Variants in FLII observed in about 807,000 individuals in gnomAD.
The protein encoded by FLII is protein flightless-1 homolog.
In FLII, 101 loss-of-function variants were observed where a neutral mutation model predicts 156.2. The ratio of observed to expected loss-of-function variants is 0.65; its 90% CI spans 0.55 to 0.76. FLII has a LOEUF of 0.76. FLII is among the 30% of genes least tolerant of loss of function. The pLI is 0.00. For missense variants in FLII, 1,675 were observed against 1,682.8 expected (o/e 1.00, Z 0.08); for synonymous variants, 767 against 685.8 (o/e 1.12, Z -1.85).
In FLII at chr17:18,258,695, C is replaced by G; in HGVS notation, c.-5G>C. ...CAGCACCCCGGTGGCCTCCATGGCG[C>G]CGCTCTCGCTGCCGGGCCGCGCCGG... is the stretch of plus-strand genomic sequence containing the variant. On this transcript the variant is annotated 5_prime_UTR_variant, in exon 1 of 30. Coordinates refer to ENST00000327031, the MANE Select transcript of FLII (RefSeq NM_002018.4). This position sits in a 1 kb window ranked among gnomAD's most constrained non-coding sequence, Gnocchi z 4.2. The G allele has an allele frequency of 6.7e-7, 1 of 1,486,196 alleles. No individual in the cohort carries two copies. Among genetic ancestry groups the G allele is most frequent in the Non-Finnish European group, 8.9e-7 (1 of 1,125,142 alleles). 92.1% of individuals were successfully genotyped at this position (1,486,196 alleles called of 1,614,324 possible). A position where few individuals can be genotyped will look rare whatever the true frequency, so the allele number is the denominator to read the frequency against.
In FLII at chr17:18,245,212, G is replaced by C; in HGVS notation, c.3736C>G (p.Arg1246Gly). The C allele has an allele frequency of 6.2e-7, 1 of 1,613,950 alleles. No homozygotes were observed. The highest frequency in any genetic ancestry group is 2.2e-5 in the East Asian group (1 of 44,878). ...AAGGCGTGCTGCTCATTGCCCTTGCGGACCAGGCGCAGCCGGCGCGGCCGC... is the reference window on the plus strand; with the variant it reads ...AAGGCGTGCTGCTCATTGCCCTTGCCGACCAGGCGCAGCCGGCGCGGCCGC... The part of the protein sequence containing the change: ...HERPRRLRLV[R>G]KGNEQHAFTR... Residue 1246 changes from arginine to glycine, a missense_variant, in exon 30 of 30, where the codon CGC (arginine) becomes GGC (glycine). Coordinates refer to ENST00000327031, the MANE Select transcript of FLII (RefSeq NM_002018.4).
chr17:18,247,502 G>T, intron 20 of FLII, 145 bp from the exon 21 acceptor site: 3 of 1,034,092 alleles, frequency 2.9e-6, no homozygotes, highest in Admixed American at 2.7e-5. Flanking sequence ...AGGAATAGGA[G>T]GGGCAGCTTG....
In FLII at chr17:18,245,581, T is replaced by C. The variant is rs745906925; in HGVS notation, c.3583A>G (p.Ile1195Val). The change falls in exon 28 of 30, where the codon ATC becomes GTC. Residue 1195 changes from isoleucine to valine, a missense_variant. Coordinates refer to ENST00000327031, the MANE Select transcript of FLII (RefSeq NM_002018.4). ...FCQDDLADDD[I>V]MLLDNGQEVY... is the part of the protein sequence containing the mutation. ...TCTTGGCCATTGTCTAGCAACATGA[T>C]GTCATCATCTGCCAGGTCATCTTGG... 1.5e-5 allele frequency: 25 copies of C among 1,613,818 alleles called. No individual in the cohort carries two copies. Among genetic ancestry groups the C allele is most frequent in the Non-Finnish European group, 1.6e-5 (19 of 1,180,016 alleles).
chr17:18,247,473 G>C (rs2048116210), intron 20 of FLII, 116 bp from the exon 21 acceptor site: 2 of 1,158,490 alleles, frequency 1.7e-6, no homozygotes, highest in Admixed American at 2.4e-5. Flanking sequence ...TTGGGAGGCG[G>C]GGCCTCGGAC....
Position 18,244,945 on chromosome 17 carries a change from G to T in FLII, c.*193C>A. ...TTCACACGTGCACTCACACTGTGGA[G>T]AGAGTTGGATTTCCCAGACCCCTGA... On this transcript the variant is annotated 3_prime_UTR_variant, in exon 30 of 30. Coordinates refer to ENST00000327031, the MANE Select transcript of FLII (RefSeq NM_002018.4). The T allele has an allele frequency of 1.5e-6, 1 of 646,820 alleles. No homozygotes were observed. The highest frequency in any genetic ancestry group is 2.7e-6 in the Non-Finnish European group (1 of 368,372). 40.1% of individuals were successfully genotyped at this position (646,820 alleles called of 1,614,324 possible).
At position 18,247,288 on chromosome 17, in the gene FLII, C is replaced by A; in HGVS notation, c.2557G>T (p.Val853Leu). The A allele has an allele frequency of 6.2e-7, 1 of 1,612,638 alleles. No individual in the cohort carries two copies. Among genetic ancestry groups the A allele is most frequent in the Non-Finnish European group, 8.5e-7 (1 of 1,179,654 alleles). The stretch of plus-strand genomic sequence containing the variant: ...CCGGAGAGACCCGGGCTCTGCAGCA[C>A]GGCCTCCGCATTGCGTGTGTAGTCC... ...TVDYTRNAEAVLQSPGLSGKV... is the reference protein window; with the variant it reads ...TVDYTRNAEALLQSPGLSGKV... Residue 853 changes from valine (V) to leucine (L), a missense_variant, in exon 21 of 30, where the codon GTG becomes TTG. Val to Leu is a conservative substitution (Grantham distance 32, BLOSUM62 1). Around this residue, in one of 2 missense-constraint regions of FLII, gnomAD observed 1,332 missense variants for 1,269.3 expected, o/e 1.05. Transcript: ENST00000327031.
rs2048102161 is a variant in FLII at position 18,247,188 on chromosome 17, G to A, written c.2657C>T (p.Pro886Leu). The change falls in exon 21 of 30, where the codon CCG becomes CTG. Residue 886 changes from proline (P) to leucine (L), a missense_variant. Pro to Leu is a moderately conservative substitution (Grantham distance 98). Around this residue, in one of 2 missense-constraint regions of FLII, gnomAD observed 1,332 missense variants for 1,269.3 expected, o/e 1.05. Transcript: ENST00000327031. ...DLTALFLPRQPPMSLAEAEQL... is the reference protein window; with the variant it reads ...DLTALFLPRQLPMSLAEAEQL... ...CCCCACCTCGGCCAGCGACATGGGC[G>A]GCTGCCGCGGCAGGAAAAGCGCAGT... 6.4e-7 allele frequency: 1 copy of A among 1,571,594 alleles called. No homozygotes were observed. The highest frequency in any genetic ancestry group is 8.6e-7 in the Non-Finnish European group (1 of 1,169,226).
At position 18,246,478 on chromosome 17, in the gene FLII, T is replaced by C. The variant is rs750478444; in HGVS notation, c.3052-16A>G. ...TGCGTACCACCTGGGGATGTGGAAG[T>C]GTTAGGGGCAGCTCCCTGGACCCCC... is the stretch of plus-strand genomic sequence containing the variant. On this transcript the variant is annotated splice_polypyrimidine_tract_variant and intron_variant, in intron 23 of 29. Coordinates refer to ENST00000327031, the MANE Select transcript of FLII (RefSeq NM_002018.4). 2 of 1,613,560 alleles carry C rather than the reference T, an allele frequency of 1.2e-6. No homozygotes were observed. The highest frequency in any genetic ancestry group is 2.2e-5 in the South Asian group (2 of 91,078).
chr17:18,246,124 T>C (rs530570572), intron 25 of FLII, 38 bp downstream of exon 25: 429 of 1,614,074 alleles, frequency 2.7e-4, no homozygotes, highest in Non-Finnish European at 2.8e-4. Context: ...ACCCCACCCC[T>C]TGGTCCACGG....
intron 14 of FLII, among the ~76,000 whole-genome samples, chr17:18,250,079 C>T (rs1291934731): frequency 1.3e-5 from 2 of 152,184 alleles, no homozygotes; most frequent in Non-Finnish European, 2.9e-5. Flanking sequence ...CAAGATTGTG[C>T]CACTGCACTC....
intron 20 of FLII, 139 bp from the exon 21 acceptor site, chr17:18,247,496 A>C: frequency 9.5e-7 from 1 of 1,052,966 alleles, no homozygotes; most frequent in Non-Finnish European, 1.4e-6. Flanking sequence ...GGAGGTAGGA[A>C]TAGGAGGGGC....
intron 2 of FLII, 54 bp from the exon 3 acceptor site, chr17:18,256,651 C>T (rs2048427499): frequency 1.4e-6 from 2 of 1,457,454 alleles, no homozygotes; most frequent in African/African-American, 1.4e-5. Context: ...TGTCCAGAGT[C>T]CCTGCCTGCC....
rs141481849 is a variant in FLII, at chr17:18,247,652, C to T, written c.2487+5G>A. ...GGGGAGGGGCCTCCGAAGCTGCAAG[C>T]GCACCTGCGCCTCGGTGCCCTCGAG... On this transcript the variant is annotated splice_donor_5th_base_variant and intron_variant, in intron 20 of 29. Transcript: ENST00000327031. The T allele has an allele frequency of 1.8e-5, 28 of 1,575,946 alleles. No homozygotes were observed. The Admixed American group carries it at 2.1e-4, about 12-fold the overall frequency.
rs368003319 is a variant in FLII, at chr17:18,245,919, C to A, written c.3396+15G>T. The A allele has an allele frequency of 8.1e-6, 13 of 1,613,710 alleles. No homozygotes were observed. In the African/African-American group the frequency reaches 1.6e-4, roughly 20 times the overall value. ...GCTCCTCTGTGTGTGCCCGCCTGCC[C>A]GCCCGCCTCCTGACCTGCTTGCTGT... is the stretch of plus-strand genomic sequence containing the variant. On this transcript the variant is annotated intron_variant, in intron 26 of 29. Transcript: ENST00000327031.
At position 18,248,695 on chromosome 17, in the gene FLII, T is replaced by G. The variant is rs1234529959; in HGVS notation, c.2045A>C (p.Asn682Thr). The G allele has an allele frequency of 1.2e-6, 2 of 1,613,630 alleles. No individual in the cohort carries two copies. The highest frequency in any genetic ancestry group is 2.7e-5 in the African/African-American group (2 of 74,916). Residue 682 changes from asparagine to threonine, a missense_variant, in exon 18 of 30, where the codon AAT becomes ACT. Asn to Thr is a moderately conservative substitution (Grantham distance 65, BLOSUM62 0). This residue lies in a region of FLII where 1,332 missense variants were observed against 1,269.3 expected (regional missense o/e 1.05). Transcript: ENST00000327031. ...GATCTCAGCCTTCCCTTTCCGCTCA[T>G]TCTTGTTAATTTTCTCTGCAAAGAG... Reference protein sequence around the residue: ...ARLFAEKINKNERKGKAEITL... With the variant: ...ARLFAEKINKTERKGKAEITL...
Position 18,251,354 on chromosome 17 carries a change from T to C in FLII, c.1507A>G (p.Ile503Val), listed in dbSNP as rs1301009158. The C allele has an allele frequency of 8.7e-6, 14 of 1,613,850 alleles. No individual in the cohort carries two copies. The highest frequency in any genetic ancestry group is 2.2e-5 in the East Asian group (1 of 44,878). Reference sequence around the variant, plus strand: ...GGCACGAAGTTCTCTATCTGCCAGATGGTCAGTCCGGGCAGCTGGCCCACG... The same window carrying C: ...GGCACGAAGTTCTCTATCTGCCAGACGGTCAGTCCGGGCAGCTGGCCCACG... ...EDVGQLPGLTIWQIENFVPVL... is the reference protein window; with the variant it reads ...EDVGQLPGLTVWQIENFVPVL... The change falls in exon 13 of 30, where the codon ATC becomes GTC. Residue 503 changes from isoleucine to valine, a missense_variant. This residue lies in a region of FLII where 1,332 missense variants were observed against 1,269.3 expected (regional missense o/e 1.05). Transcript: ENST00000327031.
chr17:18,253,192 C>T, intron 9 of FLII, 109 bp downstream of exon 9: 3 of 1,072,560 alleles, frequency 2.8e-6, no homozygotes, highest in Admixed American at 2.4e-5. Context: ...GGTGAATTAA[C>T]CCATCTTCAT....
intron 7 of FLII, 73 bp from the exon 8 acceptor site, chr17:18,253,792 C>T: frequency 1.4e-6 from 2 of 1,410,290 alleles, no homozygotes; most frequent in Non-Finnish European, 1.9e-6. Context: ...CTAGTGTGAA[C>T]CCCAGCTCTG....
At chr17:18,251,115 G>T in intron 13 of FLII, 98 bp from the exon 14 acceptor site, 2 of 1,436,720 alleles carry the variant, frequency 1.4e-6, no homozygotes, top group East Asian at 2.5e-5. Flanking sequence ...AGCCCCAGGG[G>T]CTTTGTACTG....
Sources: allele counts gnomAD v4.1 joint callset (sites outside exome capture counted in the v4.1 genomes callset), GRCh38; gene constraint gnomAD v4.1.1; regional missense constraint gnomAD v4.1.1; non-coding constraint Gnocchi (gnomAD v3.1); transcripts MANE v1.5; gene names NCBI Gene and HGNC (gene_info 2026-07-23, HGNC 2026-07-21).